Variants in NCAPD3 observed in about 807,000 individuals in gnomAD.
NCAPD3 encodes the protein non-SMC condensin II complex subunit D3.
A neutral mutation model predicts 182.9 loss-of-function variants in NCAPD3; 105 were observed. That is an observed-to-expected ratio of 0.57 (90% CI 0.49 to 0.68). The LOEUF (loss-of-function observed/expected upper bound fraction) is 0.68, where lower values mean the gene tolerates loss of function less well. NCAPD3 is among the 30% of genes least tolerant of loss of function. The pLI is 0.00. For synonymous variants in NCAPD3, 815 were observed against 679.9 expected (o/e 1.20, Z -3.09); for missense variants, 1,944 against 1,837.0 (o/e 1.06, Z -1.07).
intron 27 of NCAPD3, among the ~76,000 whole-genome samples, chr11:134,167,307 C>T (rs1466982816): frequency 1.6e-5 from 2 of 124,750 alleles, no homozygotes; most frequent in African/African-American, 6.7e-5. Flanking sequence ...GGGAGCAGCA[C>T]ACTCACTTGT....
At position 134,157,220 on chromosome 11, in the gene NCAPD3, A is replaced by T. The variant is rs183591843; in HGVS notation, c.4175-125T>A. The T allele has an allele frequency of 1.7e-3, 1,077 of 641,726 alleles. 4 individuals carry two copies. Among genetic ancestry groups the T allele is most frequent in the Middle Eastern group, 6.0e-3 (23 of 3,842 alleles). 39.8% of individuals were successfully genotyped at this position (641,726 alleles called of 1,614,324 possible). ...AATCACTAGTGTTTACAATTTTCTT[A>T]TAAAGAGGCAATTCAGGAAGAAATA... is the stretch of plus-strand genomic sequence containing the variant. On this transcript the variant is annotated intron_variant, in intron 31 of 34. Coordinates refer to ENST00000534548, the MANE Select transcript of NCAPD3 (RefSeq NM_015261.3).
At chr11:134,176,224 A>G in intron 24 of NCAPD3, 83 bp downstream of exon 24, 1 of 1,310,052 alleles carries the variant, frequency 7.6e-7, no homozygotes, top group Admixed American at 1.9e-5. Flanking sequence ...TTAACTCTAA[A>G]CCAATCTGAA....
intron 32 of NCAPD3, chr11:134,154,081 G>A (rs979521616): frequency 6.6e-6 from 1 of 152,558 alleles, no homozygotes; most frequent in Non-Finnish European, 1.5e-5. Context: ...GAGACCCTCA[G>A]GTTTCTTCAT....
At position 134,158,309 on chromosome 11, in the gene NCAPD3, G is replaced by A; in HGVS notation, c.4034+20C>T. ...CGCCACAGAGAACCAGCCCTGATGT[G>A]GCCTCCAGGGGCTCTTTACCTGGCT... On this transcript the variant is annotated intron_variant, in intron 30 of 34. Coordinates refer to ENST00000534548, the MANE Select transcript of NCAPD3 (RefSeq NM_015261.3). 6.2e-7 allele frequency: 1 copy of A among 1,613,428 alleles called. No individual in the cohort carries two copies.
chr11:134,178,713 G>A lies in NCAPD3; in HGVS notation c.2703C>T (p.Ala901=). Residue 901 remains alanine (A), a synonymous_variant, in exon 22 of 35, where the codon GCC becomes GCT. Transcript: ENST00000534548. ...HSPSSQGSSE[A]PASQPPPQVR... ...CCTGGGGGGGTGGCTGAGACGCTGG[G>A]GCCTCACTGCTGCCTTGAGATGATG... 1 of 1,605,656 alleles carries A rather than the reference G, an allele frequency of 6.2e-7. No individual in the cohort carries two copies. Among genetic ancestry groups the A allele is most frequent in the South Asian group, 1.1e-5 (1 of 89,876 alleles).
rs73603039 is a variant in NCAPD3, at chr11:134,194,113, C to T, written c.1727G>A (p.Gly576Asp). 1.1e-3 allele frequency: 1,844 copies of T among 1,614,136 alleles called. 23 individuals carry two copies. In the African/African-American group the frequency reaches 0.022, roughly 20 times the overall value. Residue 576 changes from glycine (G) to aspartate (D), a missense_variant, in exon 15 of 35, where the codon GGC (glycine) becomes GAC (aspartate). By Grantham distance (94) the Gly-to-Asp change is moderately conservative (BLOSUM62 -1). Transcript: ENST00000534548. ...VSILKHCDVS[G>D]MKEDLWILQD... ...CAGAATCCACAGGTCTTCCTTCATG[C>T]CTGAGACATCACAGTGTTTCAAAAT...
intron 3 of NCAPD3, among the ~76,000 whole-genome samples, chr11:134,215,072 A>C (rs1022582406): frequency 6.6e-6 from 1 of 152,238 alleles, no homozygotes; most frequent in Middle Eastern, 3.2e-3. Context: ...GTAATATACT[A>C]TATTAGAATA....
At chr11:134,215,858 G>C (rs974108714) in intron 3 of NCAPD3, among the ~76,000 whole-genome samples, 5 of 152,092 alleles carry the variant, frequency 3.3e-5, no homozygotes, top group African/African-American at 1.2e-4. Context: ...TCCTGAAAAA[G>C]AATATACTGT....
At position 134,220,744 on chromosome 11, in the gene NCAPD3, G is replaced by T. The variant is rs374613513; in HGVS notation, c.65-18C>A. 1 of 1,608,086 alleles carries T rather than the reference G, an allele frequency of 6.2e-7. No individual in the cohort carries two copies. Among genetic ancestry groups the T allele is most frequent in the Admixed American group, 1.7e-5 (1 of 59,876 alleles). On this transcript the variant is annotated intron_variant, in intron 1 of 34. Transcript: ENST00000534548. ...AACCCATTCTAGGGGAAAATGCAAT[G>T]AAATGTGTAAGTACTCTGTAACAAG...
intron 29 of NCAPD3, among the ~76,000 whole-genome samples, chr11:134,159,614 C>A (rs1229262825): frequency 6.6e-6 from 1 of 152,232 alleles, no homozygotes; most frequent in Non-Finnish European, 1.5e-5. Context: ...TGCGGACACA[C>A]TGACACACCC....
chr11:134,168,661 C>G (rs778507725), intron 25 of NCAPD3, 59 bp from the exon 26 acceptor site: 20 of 1,603,272 alleles, frequency 1.2e-5, no homozygotes, highest in African/African-American at 2.7e-5. Context: ...AGGGATTTAA[C>G]ACTGCACTTT....
Position 134,157,082 on chromosome 11 carries a change from A to G in NCAPD3, c.4188T>C (p.Ser1396=), listed in dbSNP as rs764547535. The G allele has an allele frequency of 6.2e-7, 1 of 1,613,246 alleles. No individual in the cohort carries two copies. Among genetic ancestry groups the G allele is most frequent in the Non-Finnish European group, 8.5e-7 (1 of 1,179,612 alleles). ...TCTCGCCATTCGACTCTTGCTCCAA[A>G]CTGTATGAAGACACTAGAACAGAAA... ...EKTCSQVSSY[S]LEQESNGEIE... is the part of the protein sequence containing the mutation. The change falls in exon 32 of 35, where the codon AGT becomes AGC. Residue 1396 remains serine (S), a synonymous_variant. Transcript: ENST00000534548.
intron 13 of NCAPD3, among the ~76,000 whole-genome samples, chr11:134,195,496 A>G (rs1437017903): frequency 6.6e-6 from 1 of 152,222 alleles, no homozygotes; most frequent in Non-Finnish European, 1.5e-5. Context: ...AATTGTAAAA[A>G]TATTTATTAA....
rs574561709 is a variant in NCAPD3, at chr11:134,183,998, T to C, written c.2451+639A>G. ...CATTATGATTGGTACTAAGAGTATA[T>C]CTCATGATAAAAACAGAATAAATAT... On this transcript the variant is annotated intron_variant, in intron 19 of 34. Coordinates refer to ENST00000534548, the MANE Select transcript of NCAPD3 (RefSeq NM_015261.3). 2.0e-5 allele frequency among the ~76,000 whole-genome samples: 3 copies of C among 152,198 alleles called. No homozygotes were observed. In the East Asian group the frequency reaches 5.8e-4, roughly 29 times the overall value.
chr11:134,205,730 T>C (rs773578375), intron 8 of NCAPD3, among the ~76,000 whole-genome samples: 2 of 152,254 alleles, frequency 1.3e-5, no homozygotes, highest in African/African-American at 2.4e-5. Context: ...GTGATGTTTA[T>C]CTGTAACATT....
chr11:134,199,574 C>G (rs1944705810), intron 13 of NCAPD3, among the ~76,000 whole-genome samples: 1 of 152,190 alleles, frequency 6.6e-6, no homozygotes, highest in Non-Finnish European at 1.5e-5. Context: ...TGCTGGGCAG[C>G]AAGAGTAGCT....
chr11:134,192,777 G>A lies in NCAPD3; in HGVS notation c.1957C>T (p.His653Tyr). ...LDQLLLQNIRHHSHFHSGDDS... is the reference protein window; with the variant it reads ...LDQLLLQNIRYHSHFHSGDDS... The stretch of plus-strand genomic sequence containing the variant: ...TCCCCAGAGTGAAAATGACTGTGAT[G>A]CCGGATGTTCTGCAGCAGCAGCTGG... The change falls in exon 16 of 35, where the codon CAT becomes TAT. Residue 653 changes from histidine to tyrosine, a missense_variant. Coordinates refer to ENST00000534548, the MANE Select transcript of NCAPD3 (RefSeq NM_015261.3). 2 of 1,614,228 alleles carry A rather than the reference G, an allele frequency of 1.2e-6. No individual in the cohort carries two copies. Among genetic ancestry groups the A allele is most frequent in the Non-Finnish European group, 1.7e-6 (2 of 1,180,050 alleles).
chr11:134,222,668 G>A (rs570217568), intron 1 of NCAPD3, among the ~76,000 whole-genome samples: 164 of 152,342 alleles, frequency 1.1e-3, no homozygotes, highest in African/African-American at 3.8e-3. Context: ...GAGCTTAATA[G>A]GGAATAGTAC....
intron 32 of NCAPD3, among the ~76,000 whole-genome samples, chr11:134,156,598 C>T (rs1422010250): frequency 6.6e-6 from 1 of 152,192 alleles, no homozygotes; most frequent in African/African-American, 2.4e-5. Context: ...GGTCTCTGGT[C>T]TTGGCAGTTG....
Sources: allele counts gnomAD v4.1 joint callset (sites outside exome capture counted in the v4.1 genomes callset), GRCh38; gene constraint gnomAD v4.1.1; transcripts MANE v1.5; gene names NCBI Gene and HGNC (gene_info 2026-07-23, HGNC 2026-07-21).